Variants in DTNBP1 observed in about 807,000 individuals in gnomAD.
DTNBP1 encodes dystrobrevin binding protein 1.
A neutral mutation model predicts 42.8 loss-of-function variants in DTNBP1; 35 were observed. The ratio of observed to expected loss-of-function variants is 0.82; its 90% confidence interval spans 0.63 to 1.09. DTNBP1 has a LOEUF of 1.09. DTNBP1 is among the 50% of genes least tolerant of loss of function. The pLI is 0.00. For missense variants in DTNBP1, 457 were observed against 424.2 expected, an observed-to-expected ratio of 1.08 and a Z score of -0.68; for synonymous variants, 171 against 162.2, an observed-to-expected ratio of 1.05 and a Z score of -0.41.
At chr6:15,597,846 T>C (rs1049141890) in intron 6 of DTNBP1, among the ~76,000 whole-genome samples, 1 of 152,228 alleles carries the variant, frequency 6.6e-6, no homozygotes, top group Non-Finnish European at 1.5e-5. Flanking sequence ...TAATAAAATA[T>C]AGATTTTATT....
intron 6 of DTNBP1, among the ~76,000 whole-genome samples, chr6:15,614,357 G>A (rs940473679): frequency 1.3e-5 from 2 of 151,192 alleles, no homozygotes; most frequent in Non-Finnish European, 2.9e-5. Context: ...CTAACACCAA[G>A]AGTGTACTCT....
intron 7 of DTNBP1, among the ~76,000 whole-genome samples, chr6:15,581,160 G>T (rs532719210): frequency 1.3e-5 from 2 of 152,228 alleles, no homozygotes; most frequent in South Asian, 4.1e-4. Flanking sequence ...AGTAGAAAAG[G>T]GGAGACTGCC....
chr6:15,564,064 G>A (rs1176450861), intron 7 of DTNBP1, among the ~76,000 whole-genome samples: 5 of 143,972 alleles, frequency 3.5e-5, no homozygotes, highest in Non-Finnish European at 6.1e-5. Flanking sequence ...ACTTGGTCTC[G>A]GAAAAAAAAA....
intron 7 of DTNBP1, among the ~76,000 whole-genome samples, chr6:15,533,804 C>T (rs1398080062): frequency 1.3e-5 from 2 of 152,154 alleles, no homozygotes; most frequent in Non-Finnish European, 2.9e-5. Flanking sequence ...AGCTGACTTA[C>T]AAAAATTGCA....
At chr6:15,585,745 A>G (rs1776053654) in intron 7 of DTNBP1, 1 of 1,535,168 alleles carries the variant, frequency 6.5e-7, no homozygotes. Flanking sequence ...ATTTTCGGTG[A>G]GTCCTGGAGA....
At chr6:15,638,704 C>T (rs1760167496) in intron 3 of DTNBP1, among the ~76,000 whole-genome samples, 1 of 152,106 alleles carries the variant, frequency 6.6e-6, no homozygotes, top group Non-Finnish European at 1.5e-5. Flanking sequence ...TATGTGCCTC[C>T]TGATGTGATG....
At chr6:15,647,930 G>A (rs1173754033) in intron 3 of DTNBP1, among the ~76,000 whole-genome samples, 2 of 151,916 alleles carry the variant, frequency 1.3e-5, no homozygotes, top group Non-Finnish European at 2.9e-5. Flanking sequence ...GCATTACCCT[G>A]ATACCAAAGC....
Position 15,522,885 on chromosome 6 carries a change from C to CCT in DTNBP1, c.*88_*89dup. On this transcript the variant is annotated 3_prime_UTR_variant, in exon 10 of 10. Coordinates refer to ENST00000344537, the MANE Select transcript of DTNBP1 (RefSeq NM_032122.5). ...TTGGCAATTATGTAAAAATCAAGAA[C>CCT]CTCTATAAAACAACCTGGCTTTCCA... 6.2e-7 allele frequency: 1 copy of CCT among 1,608,292 alleles called. No individual in the cohort carries two copies. The highest frequency in any genetic ancestry group is 8.5e-7 in the Non-Finnish European group (1 of 1,176,576).
At chr6:15,540,035 A>C (rs1264616789) in intron 7 of DTNBP1, among the ~76,000 whole-genome samples, 10 of 152,190 alleles carry the variant, frequency 6.6e-5, no homozygotes. Flanking sequence ...CATTATTTAA[A>C]CAACAGCCTC....
chr6:15,611,721 G>A (rs1281963243), intron 6 of DTNBP1, among the ~76,000 whole-genome samples: 1 of 152,200 alleles, frequency 6.6e-6, no homozygotes, highest in African/African-American at 2.4e-5. Flanking sequence ...CAAGATTTCT[G>A]TGAAGGAAAT....
intron 3 of DTNBP1, among the ~76,000 whole-genome samples, chr6:15,639,281 AT>A (rs1364828895): frequency 6.6e-6 from 1 of 152,186 alleles, no homozygotes; most frequent in Admixed American, 6.5e-5. Context: ...TATTTTTGCA[AT>A]TTTTTTGTAA....
In DTNBP1 at chr6:15,599,047, C is replaced by T. The variant is rs192923174; in HGVS notation, c.489-5966G>A. Reference sequence around the variant, plus strand: ...GCCTGGAATTTAAGAAAAATGGATTCCAAAAAAGATAATGAAGGTCTACGC... The same window carrying T: ...GCCTGGAATTTAAGAAAAATGGATTTCAAAAAAGATAATGAAGGTCTACGC... On this transcript the variant is annotated intron_variant, in intron 6 of 9. Transcript: ENST00000344537. Among the ~76,000 whole-genome samples, 452 of 152,016 alleles carry T rather than the reference C, an allele frequency of 3.0e-3. 1 individual carries two copies. Among genetic ancestry groups the T allele is most frequent in the Non-Finnish European group, 4.8e-3 (326 of 67,962 alleles).
intron 7 of DTNBP1, among the ~76,000 whole-genome samples, chr6:15,586,505 C>A (rs1776085460): frequency 1.3e-5 from 2 of 151,434 alleles, no homozygotes; most frequent in African/African-American, 4.9e-5. Context: ...CTTTTTCATA[C>A]AAATATACTC....
chr6:15,533,160 C>T, intron 8 of DTNBP1, 80 bp downstream of exon 8: 3 of 1,594,528 alleles, frequency 1.9e-6, no homozygotes, highest in Non-Finnish European at 2.6e-6. Context: ...CTGCCCCATG[C>T]CCTGCTCTGG....
intron 4 of DTNBP1, among the ~76,000 whole-genome samples, chr6:15,634,293 T>C (rs1759872602): frequency 6.6e-6 from 1 of 152,174 alleles, no homozygotes. Context: ...ATTGACTGAA[T>C]TCTTTCTCAT....
chr6:15,564,888 G>A (rs1280067985), intron 7 of DTNBP1, among the ~76,000 whole-genome samples: 1 of 152,146 alleles, frequency 6.6e-6, no homozygotes, highest in Non-Finnish European at 1.5e-5. Context: ...GCCATGATGG[G>A]CGGCTCTCTT....
chr6:15,523,939 C>A (rs566017280), intron 9 of DTNBP1: 1 of 1,287,332 alleles, frequency 7.8e-7, no homozygotes, highest in African/African-American at 1.5e-5. Context: ...TTGCCTTGAC[C>A]CAGCCCAAAG....
chr6:15,601,012 C>T (rs908562170), intron 6 of DTNBP1, among the ~76,000 whole-genome samples: 1 of 152,108 alleles, frequency 6.6e-6, no homozygotes, highest in Admixed American at 6.6e-5. Flanking sequence ...TGAGAGGAGG[C>T]AACAACCAAG....
At chr6:15,629,311 T>TA (rs954774812) in intron 4 of DTNBP1, among the ~76,000 whole-genome samples, 28 of 147,350 alleles carry the variant, frequency 1.9e-4, no homozygotes, top group South Asian at 4.3e-4. Flanking sequence ...TTTTAAACTC[T>TA]AAAAAAAAAA....
Sources: gnomAD v4.1 joint callset for allele counts (sites outside exome capture counted in the v4.1 genomes callset) on GRCh38, gnomAD v4.1.1 for gene constraint, MANE v1.5 for transcripts, NCBI Gene and HGNC (gene_info 2026-07-23, HGNC 2026-07-21) for gene names.